EPHA6: variants seen among roughly 807,000 people sequenced by gnomAD.
EPHA6 encodes the protein ephrin type-A receptor 6.
A neutral mutation model predicts 112.0 loss-of-function variants in EPHA6; 50 were observed. The observed-to-expected ratio is 0.45, with a 90% CI of 0.36 to 0.56. The LOEUF is 0.56. Ranked by LOEUF, EPHA6 falls within the 20% of genes least tolerant of loss-of-function variation. The probability of loss-of-function intolerance (pLI) is 0.00; values close to 1 mark genes in which losing one functional copy is unlikely to be tolerated. For missense variants in EPHA6, 1,280 were observed against 1,417.4 expected (o/e 0.90, Z 1.56); for synonymous variants, 529 against 490.7 (o/e 1.08, Z -1.03).
At position 96,904,198 on chromosome 3, in the gene EPHA6, G is replaced by A. The variant is rs1038101000; in HGVS notation, c.450+37309G>A. On this transcript the variant is annotated intron_variant, in intron 2 of 17. Coordinates refer to ENST00000389672, the MANE Select transcript of EPHA6 (RefSeq NM_001080448.3). ...CAGTATTCACAATAGCAAAGACTTG[G>A]AACCAACCCAAATGTCCAACAATGA... Among the ~76,000 whole-genome samples the A allele has an allele frequency of 6.2e-4, 94 of 151,890 alleles. 1 individual carries two copies. The highest frequency in any genetic ancestry group is 2.1e-3 in the African/African-American group (88 of 41,336).
intron 6 of EPHA6, among the ~76,000 whole-genome samples, chr3:97,443,783 A>T (rs573258783): frequency 1.3e-5 from 2 of 152,270 alleles, no homozygotes; most frequent in South Asian, 4.1e-4. Context: ...TAGTCTAATG[A>T]TTAGCCAACA....
At chr3:96,938,406 G>C (rs979324767) in intron 2 of EPHA6, among the ~76,000 whole-genome samples, 2 of 150,756 alleles carry the variant, frequency 1.3e-5, no homozygotes, top group Non-Finnish European at 3.0e-5. Flanking sequence ...TTGGCTCTCT[G>C]TTTGTCTGTT....
rs1559682742 is a variant in EPHA6, at chr3:97,032,855, A to G, written c.1114+44862A>G. ...TTTTTATCGGCTGAATCGCAATATAAGATGGACAATCATGCCGGTGAACTG... is the reference window on the plus strand; with the variant it reads ...TTTTTATCGGCTGAATCGCAATATAGGATGGACAATCATGCCGGTGAACTG... On this transcript the variant is annotated intron_variant, in intron 3 of 17. Coordinates refer to ENST00000389672, the MANE Select transcript of EPHA6 (RefSeq NM_001080448.3). Among the ~76,000 whole-genome samples the G allele has an allele frequency of 2.0e-5, 3 of 152,084 alleles. No individual in the cohort carries two copies. The East Asian group carries it at 5.8e-4, about 29-fold the overall frequency.
chr3:97,132,367 G>A (rs2075653138), intron 3 of EPHA6, among the ~76,000 whole-genome samples: 1 of 151,984 alleles, frequency 6.6e-6, no homozygotes, highest in African/African-American at 2.4e-5. Context: ...TTTCATATTT[G>A]AATTATTTGA....
chr3:96,961,095 A>T (rs1483526367), intron 2 of EPHA6, among the ~76,000 whole-genome samples: 5 of 152,198 alleles, frequency 3.3e-5, no homozygotes, highest in African/African-American at 9.7e-5. Flanking sequence ...TATTAAGAAG[A>T]GAGGGAAGGA....
chr3:97,232,554 T>C (rs1193219557), intron 4 of EPHA6, among the ~76,000 whole-genome samples: 1 of 152,182 alleles, frequency 6.6e-6, no homozygotes, highest in Non-Finnish European at 1.5e-5. Flanking sequence ...TTGTTAGCAG[T>C]GGCAAATCTA....
intron 3 of EPHA6, among the ~76,000 whole-genome samples, chr3:97,058,161 CCA>C (rs2045908981): frequency 6.6e-6 from 1 of 151,000 alleles, no homozygotes; most frequent in South Asian, 2.1e-4. Flanking sequence ...ATAAACATTA[CCA>C]CATGTTTACA....
chr3:97,324,456 T>TCTTTCTTC (rs1491141878), intron 5 of EPHA6, among the ~76,000 whole-genome samples: 1 of 149,730 alleles, frequency 6.7e-6, no homozygotes, highest in Non-Finnish European at 1.5e-5. Context: ...TTTCTTTCTT[T>TCTTTCTTC]CTTTCTTTCT....
At chr3:97,425,520 GCTGTGCACAGCAGAGGGGC>G in intron 6 of EPHA6, among the ~76,000 whole-genome samples, 1 of 152,300 alleles carries the variant, frequency 6.6e-6, no homozygotes, top group Admixed American at 6.5e-5. Context: ...AAGTCCCTAG[GCTGTGCACAGCAGAGGGGC>G]CCTGGGCCCA....
At chr3:97,004,216 CTA>C (rs1480743307) in intron 3 of EPHA6, among the ~76,000 whole-genome samples, 7 of 152,150 alleles carry the variant, frequency 4.6e-5, no homozygotes, top group Non-Finnish European at 1.0e-4. Flanking sequence ...TGAGGAATCA[CTA>C]TATGTCTTCC....
intron 10 of EPHA6, among the ~76,000 whole-genome samples, chr3:97,526,485 G>T (rs867186038): frequency 4.2e-4 from 1 of 2,402 alleles, no homozygotes; most frequent in Non-Finnish European, 0.02. Flanking sequence ...AGTGGCAGTG[G>T]GGGGGTGAGA....
intron 7 of EPHA6, among the ~76,000 whole-genome samples, chr3:97,451,375 T>C (rs1337663326): frequency 6.6e-6 from 1 of 151,848 alleles, no homozygotes; most frequent in Non-Finnish European, 1.5e-5. Context: ...TTTAGAACCC[T>C]AGAACTATCT....
chr3:97,708,930 C>T (rs2033819961), intron 14 of EPHA6, among the ~76,000 whole-genome samples: 1 of 152,152 alleles, frequency 6.6e-6, no homozygotes, highest in South Asian at 2.1e-4. Context: ...GGGGCATCTA[C>T]CTAGATTTCA....
At chr3:97,362,235 T>C (rs889646264) in intron 5 of EPHA6, among the ~76,000 whole-genome samples, 10 of 152,092 alleles carry the variant, frequency 6.6e-5, no homozygotes, top group African/African-American at 1.9e-4. Flanking sequence ...TAACTAATGA[T>C]TGAGTTTAAT....
At chr3:97,029,617 GA>G (rs2044755359) in intron 3 of EPHA6, among the ~76,000 whole-genome samples, 1 of 152,024 alleles carries the variant, frequency 6.6e-6, no homozygotes, top group Non-Finnish European at 1.5e-5. Context: ...TTGCAAAGAG[GA>G]AAAGAAATTA....
intron 2 of EPHA6, among the ~76,000 whole-genome samples, chr3:96,929,620 T>C (rs767669522): frequency 6.6e-6 from 1 of 152,216 alleles, no homozygotes; most frequent in Non-Finnish European, 1.5e-5. Flanking sequence ...CTTCCCTTTG[T>C]AGGTGACCTG....
At chr3:97,659,124 G>T (rs1360062143) in intron 14 of EPHA6, among the ~76,000 whole-genome samples, 1 of 151,936 alleles carries the variant, frequency 6.6e-6, no homozygotes, top group Non-Finnish European at 1.5e-5. Context: ...AAGTTTCCCA[G>T]ACTTAAATTG....
At chr3:97,090,822 G>T in intron 3 of EPHA6, among the ~76,000 whole-genome samples, 1 of 152,022 alleles carries the variant, frequency 6.6e-6, no homozygotes, top group East Asian at 1.9e-4. Flanking sequence ...AGAGAGTTGA[G>T]ATTTATTTTT....
chr3:97,115,622 C>A (rs1206260512), intron 3 of EPHA6, among the ~76,000 whole-genome samples: 1 of 151,298 alleles, frequency 6.6e-6, no homozygotes, highest in African/African-American at 2.4e-5. Context: ...ATGAGAATGC[C>A]CAGAGCAAGA....
Sources: allele counts gnomAD v4.1 joint callset (sites outside exome capture counted in the v4.1 genomes callset), GRCh38; gene constraint gnomAD v4.1.1; transcripts MANE v1.5; gene names NCBI Gene and HGNC (gene_info 2026-07-23, HGNC 2026-07-21).